LOC400499: variants seen among roughly 807,000 people sequenced by gnomAD.
chr16:11,396,624 G>A, the LOC400499 span: 58 of 1,232,024 alleles, frequency 4.7e-5, 1 homozygote, highest in Middle Eastern at 6.2e-4. Context: ...CAGCGGGAAC[G>A]CAGCAGGAGT....
chr16:11,463,450 G>C, the LOC400499 span, among the ~76,000 whole-genome samples: 1 of 142,192 alleles, frequency 7.0e-6, no homozygotes, highest in East Asian at 1.9e-4. Context: ...GTGTATACAG[G>C]GGTGTGTGTA....
the LOC400499 span, among the ~76,000 whole-genome samples, chr16:11,424,899 G>C: frequency 1.1e-4 from 16 of 152,296 alleles, no homozygotes; most frequent in Admixed American, 1.0e-3. Flanking sequence ...GTCACCAGCT[G>C]ATTTGAAGCC....
At chr16:11,460,581 T>C in the LOC400499 span, 3 of 1,534,718 alleles carry the variant, frequency 2.0e-6, no homozygotes, top group Non-Finnish European at 2.6e-6. Context: ...TGGCTGGTGC[T>C]GCACTCGTGT....
At chr16:11,505,096 G>T in the LOC400499 span, among the ~76,000 whole-genome samples, 1 of 151,586 alleles carries the variant, frequency 6.6e-6, no homozygotes, top group Non-Finnish European at 1.5e-5. Context: ...TGAACCCAGG[G>T]CACCAGCTCC....
At chr16:11,446,852 C>T in the LOC400499 span, 1 of 1,536,110 alleles carries the variant, frequency 6.5e-7, no homozygotes, top group Non-Finnish European at 8.7e-7. Context: ...TGTCGCCTAT[C>T]AGCTGTGAAG....
At chr16:11,397,181 G>C in the LOC400499 span, among the ~76,000 whole-genome samples, 1 of 152,220 alleles carries the variant, frequency 6.6e-6, no homozygotes, top group East Asian at 1.9e-4. Context: ...CCTGGCATAG[G>C]TGAAACACAC....
At chr16:11,487,296 A>T in the LOC400499 span, 1 of 398,972 alleles carries the variant, frequency 2.5e-6, no homozygotes, top group Non-Finnish European at 4.4e-6. Context: ...CATGGTGTGG[A>T]TGGTCAGGTT....
At chr16:11,493,092 G>T in the LOC400499 span, among the ~76,000 whole-genome samples, 1 of 152,172 alleles carries the variant, frequency 6.6e-6, no homozygotes, top group African/African-American at 2.4e-5. Context: ...GGTGACAGGA[G>T]CAGGTGAGGC....
the LOC400499 span, among the ~76,000 whole-genome samples, chr16:11,386,211 C>T: frequency 6.6e-6 from 1 of 152,080 alleles, no homozygotes; most frequent in Non-Finnish European, 1.5e-5. Context: ...AGAAGGAGGT[C>T]TGACCAGTCT....
the LOC400499 span, among the ~76,000 whole-genome samples, chr16:11,423,474 C>A: frequency 1.3e-5 from 2 of 152,310 alleles, no homozygotes; most frequent in African/African-American, 4.8e-5. Flanking sequence ...GGCCTCCACG[C>A]CAGGCACGGT....
chr16:11,467,498 G>C, the LOC400499 span, among the ~76,000 whole-genome samples: 2 of 151,954 alleles, frequency 1.3e-5, no homozygotes, highest in African/African-American at 2.4e-5. Flanking sequence ...TGTAGTCCCA[G>C]CTACTCGGGA....
the LOC400499 span, among the ~76,000 whole-genome samples, chr16:11,376,861 G>T: frequency 6.6e-6 from 1 of 151,786 alleles, no homozygotes; most frequent in Non-Finnish European, 1.5e-5. Context: ...CGGTCTCTGG[G>T]ACTCTACATC....
At chr16:11,466,877 G>A in the LOC400499 span, among the ~76,000 whole-genome samples, 1 of 152,108 alleles carries the variant, frequency 6.6e-6, no homozygotes, top group African/African-American at 2.4e-5. Context: ...ATCAGCGCAT[G>A]CTTGTCTGAA....
At chr16:11,484,020 T>C in the LOC400499 span, among the ~76,000 whole-genome samples, 11 of 133,844 alleles carry the variant, frequency 8.2e-5, no homozygotes, top group Non-Finnish European at 9.6e-5. Context: ...TTTTTTTTTT[T>C]TTTTTGAGAC....
the LOC400499 span, among the ~76,000 whole-genome samples, chr16:11,497,769 G>A: frequency 6.6e-6 from 1 of 151,916 alleles, no homozygotes; most frequent in Non-Finnish European, 1.5e-5. Context: ...AGCCTTCCCT[G>A]TTTTCACAAA....
At chr16:11,514,548 C>T in the LOC400499 span, 1 of 400,002 alleles carries the variant, frequency 2.5e-6, no homozygotes, top group African/African-American at 2.1e-5. Context: ...GGCTGCGGAC[C>T]AAGAGGGGAA....
the LOC400499 span, chr16:11,384,838 C>T: frequency 3.4e-5 from 42 of 1,230,542 alleles, no homozygotes; most frequent in Non-Finnish European, 4.3e-5. Flanking sequence ...GGGGTGCATC[C>T]CAAAGAGTCC....
the LOC400499 span, chr16:11,411,274 C>T: frequency 2.5e-6 from 1 of 399,324 alleles, no homozygotes; most frequent in Non-Finnish European, 4.4e-6. Context: ...TGAGCTGGGG[C>T]AGAGACCCAG....
the LOC400499 span, chr16:11,396,548 C>T: frequency 8.1e-7 from 1 of 1,232,066 alleles, no homozygotes; most frequent in Non-Finnish European, 1.0e-6. Flanking sequence ...ACGAGGCCTG[C>T]TGTGGTTTTG....
Sources: allele counts gnomAD v4.1 joint callset (sites outside exome capture counted in the v4.1 genomes callset), GRCh38; gene constraint gnomAD v4.1.1; transcripts MANE v1.5.